The following FCRL4 variants were observed in gnomAD, a reference collection of about 807,000 sequenced individuals.
FCRL4 encodes the protein Fc receptor like 4, also known as Fc receptor-like protein 4.
A neutral mutation model predicts 64.1 loss-of-function variants in FCRL4; 43 were observed. The ratio of observed to expected loss-of-function variants is 0.67; its 90% CI spans 0.53 to 0.87. The LOEUF (loss-of-function observed/expected upper bound fraction) is 0.87, where lower values mean the gene tolerates loss of function less well. FCRL4 is among the 40% of genes least tolerant of loss of function. FCRL4 has a pLI of 0.00. For missense variants in FCRL4, 656 were observed against 613.5 expected (o/e 1.07, Z -0.73); for synonymous variants, 253 against 239.8 (o/e 1.05, Z -0.51).
At chr1:157,585,346 CTT>C (rs36118714) in intron 6 of FCRL4, among the ~76,000 whole-genome samples, 3,947 of 29,562 alleles carry the variant, frequency 0.13, 157 homozygotes, top group African/African-American at 0.24. Context: ...TTCTCTCTCT[CTT>C]TCTTTCTTTC....
rs1451276370 is a variant in FCRL4 at position 157,592,777 on chromosome 1, A to G, written c.53-3319T>C. Among the ~76,000 whole-genome samples the G allele has an allele frequency of 3.9e-5, 6 of 152,232 alleles. 1 individual carries two copies. The highest frequency in any genetic ancestry group is 1.4e-4 in the African/African-American group (6 of 41,468). Reference sequence around the variant, plus strand: ...TTATAAATCATGCTACTATAAAGACACATGTACACATATGTTTATTGTGGC... The same window carrying G: ...TTATAAATCATGCTACTATAAAGACGCATGTACACATATGTTTATTGTGGC... On this transcript the variant is annotated intron_variant, in intron 2 of 11. Transcript: ENST00000271532.
rs141318178 is a variant in FCRL4, at chr1:157,583,545, G to A, written c.1136-1901C>T. 2.1e-3 allele frequency among the ~76,000 whole-genome samples: 323 copies of A among 152,316 alleles called. 2 individuals are homozygous for A. The highest frequency in any genetic ancestry group is 7.5e-3 in the African/African-American group (311 of 41,570). ...AGTGCCCTTCTAAGAAGAAACACCA[G>A]AAAGGTTGTGCTGCTCTCTCTCTCT... On this transcript the variant is annotated intron_variant, in intron 6 of 11. Transcript: ENST00000271532.
chr1:157,587,528 CTG>C lies in FCRL4; in HGVS notation c.593_594del (p.Thr198ArgfsTer15). On this transcript the variant is annotated frameshift_variant, in exon 5 of 12. Coordinates refer to ENST00000271532, the MANE Select transcript of FCRL4 (RefSeq NM_031282.3). LOFTEE classifies it high-confidence loss of function. ...GAATTCCCCTCTGTAGGCTGAGAGT[CTG>C]TAGCTTTCAGCTCTGGATGTGGAAA... Reference protein sequence around the residue: ...ELFPHPELKATDSQPTEGNSV... With the variant: ...ELFPHPELKAXDSQPTEGNSV... 1.2e-6 allele frequency: 2 copies of C among 1,614,146 alleles called. No homozygotes were observed. Among genetic ancestry groups the C allele is most frequent in the Non-Finnish European group, 1.7e-6 (2 of 1,180,026 alleles).
intron 2 of FCRL4, among the ~76,000 whole-genome samples, chr1:157,589,845 T>C (rs972113539): frequency 1.3e-5 from 2 of 152,192 alleles, no homozygotes; most frequent in South Asian, 2.1e-4. Context: ...TGAGTTCTTG[T>C]ATGTGAAGGG....
intron 10 of FCRL4, 100 bp from the exon 11 acceptor site, chr1:157,575,830 G>T: frequency 3.8e-6 from 4 of 1,049,606 alleles, no homozygotes; most frequent in Non-Finnish European, 6.0e-6. Context: ...ACTGGGCCCT[G>T]TCCACCTCAT....
At chr1:157,588,283 T>C (rs1652753163) in intron 3 of FCRL4, among the ~76,000 whole-genome samples, 164 bp from the exon 4 acceptor site, 1 of 152,174 alleles carries the variant, frequency 6.6e-6, no homozygotes, top group Non-Finnish European at 1.5e-5. Flanking sequence ...ATGCTTCAGG[T>C]ACAATTCCTA....
At position 157,575,178 on chromosome 1, in the gene FCRL4, A is replaced by G. The variant is rs1652371363; in HGVS notation, c.*346T>C. ...TTTTCATCTCTGCAAATCCCAATTC[A>G]CCAAAATTTGTGCTTCTGTTTTTCA... On this transcript the variant is annotated 3_prime_UTR_variant, in exon 12 of 12. Coordinates refer to ENST00000271532, the MANE Select transcript of FCRL4 (RefSeq NM_031282.3). 2.9e-6 allele frequency: 1 copy of G among 343,418 alleles called. No individual in the cohort carries two copies. The highest frequency in any genetic ancestry group is 4.4e-5 in the Admixed American group (1 of 22,474). 21.3% of individuals were successfully genotyped at this position (343,418 alleles called of 1,614,324 possible).
intron 2 of FCRL4, among the ~76,000 whole-genome samples, chr1:157,595,751 C>A (rs986867883): frequency 4.6e-5 from 7 of 152,182 alleles, no homozygotes; most frequent in African/African-American, 1.7e-4. Flanking sequence ...CTTGCTGGCT[C>A]CAGCAGCTCC....
In FCRL4 at chr1:157,592,083, C is replaced by G. The variant is rs149071369; in HGVS notation, c.53-2625G>C. Among the ~76,000 whole-genome samples the G allele has an allele frequency of 5.6e-3, 859 of 152,200 alleles. 6 individuals are homozygous for G. Among genetic ancestry groups the G allele is most frequent in the African/African-American group, 0.02 (830 of 41,528 alleles). On this transcript the variant is annotated intron_variant, in intron 2 of 11. Transcript: ENST00000271532. ...CTGGATCCCTTCCTTACACCTTATACAAAAATTAACTCAAGATGGATTAAA... is the reference window on the plus strand; with the variant it reads ...CTGGATCCCTTCCTTACACCTTATAGAAAAATTAACTCAAGATGGATTAAA...
rs774638615 is a variant in FCRL4, at chr1:157,597,923, G to A, written c.22C>T (p.Leu8=). 3 of 1,613,358 alleles carry A rather than the reference G, an allele frequency of 1.9e-6. No homozygotes were observed. Among genetic ancestry groups the A allele is most frequent in the Middle Eastern group, 1.7e-4 (1 of 6,058 alleles). MLLWASL[L]AFAPVCGQSA... is the part of the protein sequence containing the mutation. ...CCTCCCCATCACTTACCAAAGGCCA[G>A]CAAGGACGCCCACAGCAGCATGGAA... Residue 8 remains leucine, a synonymous_variant, in exon 1 of 12, where the codon CTG becomes TTG. Transcript: ENST00000271532.
At chr1:157,597,805 G>C (rs1653000036) in intron 1 of FCRL4, 109 bp downstream of exon 1, 6 of 770,688 alleles carry the variant, frequency 7.8e-6, no homozygotes, top group Non-Finnish European at 1.3e-5. Context: ...ATTTTCTGCT[G>C]TTCTAAAATG....
chr1:157,589,339 A>T lies in FCRL4; in HGVS notation c.172T>A (p.Tyr58Asn). 6.2e-7 allele frequency: 1 copy of T among 1,614,114 alleles called. No individual in the cohort carries two copies. Among genetic ancestry groups the T allele is most frequent in the Non-Finnish European group, 8.5e-7 (1 of 1,180,030 alleles). ...TTTTCTCCCCAGTAGTGCCGATGAT[A>T]CCATGTTGTTTTCTCTGTTGCATAG... ...QFYATEKTTW[Y>N]HRHYWGEKLT... is the part of the protein sequence containing the mutation. The change falls in exon 3 of 12, where the codon TAT (tyrosine) becomes AAT (asparagine). Residue 58 changes from tyrosine (Y) to asparagine (N), a missense_variant. Coordinates refer to ENST00000271532, the MANE Select transcript of FCRL4 (RefSeq NM_031282.3).
At chr1:157,578,727 C>T (rs368933513) in intron 9 of FCRL4, 43 bp downstream of exon 9, 1 of 1,593,512 alleles carries the variant, frequency 6.3e-7, no homozygotes, top group African/African-American at 1.3e-5. Flanking sequence ...ATTATCTTTC[C>T]ATGGCTGAGG....
chr1:157,594,306 A>T (rs1261533966), intron 2 of FCRL4, among the ~76,000 whole-genome samples: 2 of 152,220 alleles, frequency 1.3e-5, no homozygotes, highest in African/African-American at 2.4e-5. Context: ...GGATTCTGGG[A>T]AAATCTTCTT....
intron 2 of FCRL4, among the ~76,000 whole-genome samples, chr1:157,595,468 A>G (rs1652940990): frequency 6.6e-6 from 1 of 152,248 alleles, no homozygotes; most frequent in African/African-American, 2.4e-5. Context: ...AGGTGGCCCT[A>G]TGGCCAGGAA....
chr1:157,593,277 G>A (rs1652879115), intron 2 of FCRL4, among the ~76,000 whole-genome samples: 1 of 152,054 alleles, frequency 6.6e-6, no homozygotes, highest in Non-Finnish European at 1.5e-5. Flanking sequence ...CACAACCCAG[G>A]GAAGTCCTGG....
chr1:157,585,000 G>C (rs958303638), intron 6 of FCRL4, among the ~76,000 whole-genome samples: 1 of 152,166 alleles, frequency 6.6e-6, no homozygotes, highest in Non-Finnish European at 1.5e-5. Flanking sequence ...GGGATCAATT[G>C]TATCAAAAGC....
intron 6 of FCRL4, 67 bp from the exon 7 acceptor site, chr1:157,581,711 G>A: frequency 4.7e-6 from 6 of 1,267,826 alleles, no homozygotes; most frequent in South Asian, 1.3e-5. Context: ...CTTTTCCTCA[G>A]CTTGGTTGGG....
intron 3 of FCRL4, 79 bp downstream of exon 3, chr1:157,589,125 C>A (rs1652774667): frequency 4.7e-6 from 7 of 1,487,368 alleles, no homozygotes; most frequent in Non-Finnish European, 6.4e-6. Context: ...ATGAAAGACC[C>A]CAGTTCGTGG....
Sources: allele counts gnomAD v4.1 joint callset (sites outside exome capture counted in the v4.1 genomes callset), GRCh38; gene constraint gnomAD v4.1.1; transcripts MANE v1.5; gene names NCBI Gene and HGNC (gene_info 2026-07-23, HGNC 2026-07-21).